UBE2D1: variants seen among roughly 807,000 people sequenced by gnomAD.
UBE2D1 encodes ubiquitin conjugating enzyme E2 D1.
In UBE2D1, 9 loss-of-function variants were observed where a neutral mutation model predicts 24.6. The observed-to-expected ratio is 0.37, with a 90% confidence interval of 0.22 to 0.64. UBE2D1 has a LOEUF of 0.64. UBE2D1 is among the 30% of genes least tolerant of loss of function. The pLI, the probability that UBE2D1 is intolerant of heterozygous loss-of-function variation, is 0.64. For synonymous variants in UBE2D1, 57 were observed against 57.6 expected, an observed-to-expected ratio of 0.99 and a Z score of 0.04; for missense variants, 87 against 177.1, an observed-to-expected ratio of 0.49 and a Z score of 2.89.
chr10:58,344,505 G>T (rs894052092), intron 1 of UBE2D1, among the ~76,000 whole-genome samples: 17 of 144,700 alleles, frequency 1.2e-4, no homozygotes, highest in Non-Finnish European at 1.2e-4. Context: ...TGTATTTGCT[G>T]TTTTTTTTTT....
At position 58,370,023 on chromosome 10, in the gene UBE2D1, T is replaced by C. The variant is rs1840297873; in HGVS notation, c.*1258T>C. 1 of 151,636 alleles carries C rather than the reference T, an allele frequency of 6.6e-6. No individual in the cohort carries two copies. The highest frequency in any genetic ancestry group is 2.4e-5 in the African/African-American group (1 of 41,126). The allele number at this position is 151,636 out of a possible 1,614,324, so 9.4% of individuals were successfully genotyped here. On this transcript the variant is annotated 3_prime_UTR_variant, in exon 7 of 7. Coordinates refer to ENST00000373910, the MANE Select transcript of UBE2D1 (RefSeq NM_003338.5). ...AAAATCTAGAATTTCTAAAATGGAA[T>C]TTAATGCCATCACAATTTGAAAAAC...
In UBE2D1 at chr10:58,335,174, CCGGT is replaced by C. The variant is rs753047942; in HGVS notation, c.-27_-24del. 1 of 1,543,778 alleles carries C rather than the reference CCGGT, an allele frequency of 6.5e-7. No homozygotes were observed. The highest frequency in any genetic ancestry group is 1.2e-5 in the South Asian group (1 of 84,224). On this transcript the variant is annotated 5_prime_UTR_variant, in exon 1 of 7. Transcript: ENST00000373910. ...GAGCCCCGCAGCCGACCCCTGCCGG[CCGGT>C]GTCCCCACCGCCATCCCTGACCCAT...
At position 58,367,919 on chromosome 10, in the gene UBE2D1, C is replaced by T. The variant is rs746316231; in HGVS notation, c.305-4C>T. 8 of 1,590,644 alleles carry T rather than the reference C, an allele frequency of 5.0e-6. No homozygotes were observed. The Admixed American group carries it at 1.3e-4, about 27-fold the overall frequency. ...TCTAATGTGATGTTCTCTTTTAAAT[C>T]TAGTTTTATTGTCCATATGTTCTCT... On this transcript the variant is annotated splice_region_variant and splice_polypyrimidine_tract_variant and intron_variant, in intron 5 of 6. Transcript: ENST00000373910.
rs753543947 is a variant in UBE2D1 at position 58,361,513 on chromosome 10, C to T, written c.107C>T (p.Thr36Ile). 1.2e-6 allele frequency: 2 copies of T among 1,614,114 alleles called. No homozygotes were observed. The highest frequency in any genetic ancestry group is 1.7e-6 in the Non-Finnish European group (2 of 1,180,016). ...VGDDLFHWQA[T>I]IMGPPDSAYQ... ...GTTTCAGTGTTCCACTGGCAAGCCACTATTATGGGGCCTGTAAGTATGATT... is the reference window on the plus strand; with the variant it reads ...GTTTCAGTGTTCCACTGGCAAGCCATTATTATGGGGCCTGTAAGTATGATT... The change falls in exon 3 of 7, where the codon ACT (threonine) becomes ATT (isoleucine). Residue 36 changes from threonine (T) to isoleucine (I), a missense_variant. Coordinates refer to ENST00000373910, the MANE Select transcript of UBE2D1 (RefSeq NM_003338.5).
intron 1 of UBE2D1, among the ~76,000 whole-genome samples, chr10:58,356,331 G>A (rs1462931816): frequency 6.6e-6 from 1 of 151,876 alleles, no homozygotes; most frequent in Non-Finnish European, 1.5e-5. Context: ...AGATCATAAT[G>A]GGCATACTGT....
chr10:58,350,542 C>G (rs1193297907), intron 1 of UBE2D1, among the ~76,000 whole-genome samples: 2 of 152,156 alleles, frequency 1.3e-5, no homozygotes, highest in Admixed American at 1.3e-4. Context: ...TATTTTCTCT[C>G]ACTTTGTGGC....
intron 1 of UBE2D1, among the ~76,000 whole-genome samples, chr10:58,346,953 T>C (rs1244697265): frequency 6.6e-6 from 1 of 152,112 alleles, no homozygotes; most frequent in Admixed American, 6.5e-5. Flanking sequence ...CCCTTTTGAG[T>C]TGGTGTGATC....
chr10:58,339,977 A>G (rs918813506), intron 1 of UBE2D1, among the ~76,000 whole-genome samples: 5 of 152,176 alleles, frequency 3.3e-5, no homozygotes, highest in East Asian at 3.9e-4. Context: ...CAGATATACT[A>G]TAAAGCTTTC....
intron 1 of UBE2D1, among the ~76,000 whole-genome samples, chr10:58,358,815 C>T (rs1400839791): frequency 6.6e-6 from 1 of 150,664 alleles, no homozygotes; most frequent in African/African-American, 2.4e-5. Flanking sequence ...GGCTGGAGTG[C>T]AGAGGCCCAA....
chr10:58,348,279 G>A (rs1383612748), intron 1 of UBE2D1, among the ~76,000 whole-genome samples: 3 of 152,150 alleles, frequency 2.0e-5, no homozygotes, highest in South Asian at 2.1e-4. Context: ...TCTGATGATC[G>A]TTTGACATCT....
chr10:58,368,847 T>C lies in UBE2D1; in HGVS notation c.*82T>C. ...CATTAGCAGTAAATTGAGCACTGTT[T>C]ACTGTTTCATTGTACCATGAAACCA... is the stretch of plus-strand genomic sequence containing the variant. On this transcript the variant is annotated 3_prime_UTR_variant, in exon 7 of 7. Transcript: ENST00000373910. 1.1e-6 allele frequency: 1 copy of C among 902,342 alleles called. No individual in the cohort carries two copies. Among genetic ancestry groups the C allele is most frequent in the Non-Finnish European group, 1.7e-6 (1 of 602,982 alleles). 55.9% of individuals were successfully genotyped at this position (902,342 alleles called of 1,614,324 possible). A position where few individuals can be genotyped will look rare whatever the true frequency, so the allele number is the denominator to read the frequency against.
chr10:58,335,965 C>T (rs1014808655), intron 1 of UBE2D1, among the ~76,000 whole-genome samples: 2 of 152,120 alleles, frequency 1.3e-5, no homozygotes, highest in Admixed American at 6.5e-5. Context: ...ATGTAAAGTT[C>T]GAGACACAAC....
chr10:58,365,889 A>T (rs1428431415), intron 5 of UBE2D1, among the ~76,000 whole-genome samples: 1 of 152,204 alleles, frequency 6.6e-6, no homozygotes, highest in African/African-American at 2.4e-5. Flanking sequence ...TTTAAAAGTA[A>T]TAAGGTTTAT....
intron 1 of UBE2D1, among the ~76,000 whole-genome samples, chr10:58,347,240 G>A (rs1840026834): frequency 6.6e-6 from 1 of 152,168 alleles, no homozygotes; most frequent in Admixed American, 6.5e-5. Flanking sequence ...GAACAATTTG[G>A]TACTTTTCAA....
intron 1 of UBE2D1, among the ~76,000 whole-genome samples, chr10:58,355,591 C>T (rs1840123073): frequency 6.6e-6 from 1 of 152,060 alleles, no homozygotes; most frequent in Non-Finnish European, 1.5e-5. Context: ...GCTTATGTCC[C>T]ATTAACAGGC....
chr10:58,357,326 G>A (rs1048168255), intron 1 of UBE2D1, among the ~76,000 whole-genome samples: 3 of 152,144 alleles, frequency 2.0e-5, no homozygotes, highest in African/African-American at 7.2e-5. Flanking sequence ...AAGAATGTCA[G>A]TTATAGCAGA....
At chr10:58,335,702 G>T (rs1839895813) in intron 1 of UBE2D1, among the ~76,000 whole-genome samples, 1 of 152,258 alleles carries the variant, frequency 6.6e-6, no homozygotes, top group African/African-American at 2.4e-5. Flanking sequence ...CCGCGGAGCT[G>T]TCGGGTTGGT....
intron 1 of UBE2D1, among the ~76,000 whole-genome samples, chr10:58,341,745 G>C (rs1839963977): frequency 6.6e-6 from 1 of 152,118 alleles, no homozygotes; most frequent in African/African-American, 2.4e-5. Flanking sequence ...TTCATTTAAT[G>C]AGTGCTACTA....
At chr10:58,362,657 C>T (rs1032674712) in intron 3 of UBE2D1, among the ~76,000 whole-genome samples, 4 of 151,942 alleles carry the variant, frequency 2.6e-5, no homozygotes, top group Non-Finnish European at 4.4e-5. Context: ...ATTTACAGTA[C>T]TCTGGACCAT....
Sources: gnomAD v4.1 joint callset for allele counts (sites outside exome capture counted in the v4.1 genomes callset) on GRCh38, gnomAD v4.1.1 for gene constraint, MANE v1.5 for transcripts, NCBI Gene and HGNC (gene_info 2026-07-23, HGNC 2026-07-21) for gene names.